Variants in MYT1L observed in about 807,000 individuals in gnomAD.
MYT1L encodes myelin transcription factor 1-like protein.
Under a neutral mutation model 126.7 loss-of-function variants are expected in MYT1L, and 12 were observed. The observed-to-expected ratio is 0.09, with a 90% CI of 0.06 to 0.15. The LOEUF (loss-of-function observed/expected upper bound fraction) is 0.15. Among genes scored for constraint, MYT1L ranks in the 10% least tolerant of loss-of-function variants. MYT1L has a pLI of 1.00. For synonymous variants in MYT1L, 541 were observed against 604.2 expected (o/e 0.90, Z 1.53); for missense variants, 979 against 1,585.2 (o/e 0.62, Z 6.49).
At chr2:2,174,522 C>T (rs2148564188) in intron 2 of MYT1L, among the ~76,000 whole-genome samples, 1 of 152,292 alleles carries the variant, frequency 6.6e-6, no homozygotes, top group Middle Eastern at 3.4e-3. Flanking sequence ...TTCAGACCCA[C>T]GTCCTTGTGA....
chr2:1,974,253 G>A (rs1046822844), intron 8 of MYT1L, among the ~76,000 whole-genome samples: 1 of 152,112 alleles, frequency 6.6e-6, no homozygotes, highest in South Asian at 2.1e-4. Context: ...CAGTGCCCCC[G>A]GCCACCTCTG....
intron 3 of MYT1L, among the ~76,000 whole-genome samples, chr2:2,138,908 C>A (rs1035531563): frequency 6.6e-6 from 1 of 151,782 alleles, no homozygotes; most frequent in South Asian, 2.1e-4. Flanking sequence ...CCCGCCTGGG[C>A]CGCAGTAAAG....
At chr2:1,948,146 C>T (rs1353678965) in intron 8 of MYT1L, among the ~76,000 whole-genome samples, 1 of 152,170 alleles carries the variant, frequency 6.6e-6, no homozygotes, top group Non-Finnish European at 1.5e-5. Context: ...ACCTTCTAGT[C>T]TTCTATTTTC....
Position 1,910,429 on chromosome 2 carries a change from T to G in MYT1L, c.1710-82A>C. The G allele has an allele frequency of 7.8e-7, 1 of 1,284,900 alleles. No homozygotes were observed. 79.6% of individuals were successfully genotyped at this position (1,284,900 alleles called of 1,614,324 possible). On this transcript the variant is annotated intron_variant, in intron 12 of 24. Transcript: ENST00000647738. This position sits in a 1 kb window ranked among gnomAD's most constrained non-coding sequence, Gnocchi z 4.8. ...TAATCCTCCCTTAGCACCAAGACCC[T>G]GATGCAGGTGGAGCTGGTGAGGGAG...
chr2:1,870,425 T>C (rs887921691), intron 18 of MYT1L, among the ~76,000 whole-genome samples: 2 of 152,166 alleles, frequency 1.3e-5, no homozygotes, highest in African/African-American at 4.8e-5. Context: ...GCCTGGAAAC[T>C]TCTCAAACAC....
chr2:2,112,538 G>A (rs145255281), intron 3 of MYT1L, among the ~76,000 whole-genome samples: 20 of 152,300 alleles, frequency 1.3e-4, no homozygotes, highest in Admixed American at 3.9e-4. Flanking sequence ...CTGTAGCCAC[G>A]TGGTGACCTG....
chr2:1,998,953 T>G (rs1176193887), intron 4 of MYT1L, among the ~76,000 whole-genome samples: 1 of 152,186 alleles, frequency 6.6e-6, no homozygotes, highest in African/African-American at 2.4e-5. Flanking sequence ...AGACAGATTC[T>G]AAATGATCAG....
chr2:1,860,072 C>A (rs1305494586), intron 18 of MYT1L, among the ~76,000 whole-genome samples: 1 of 152,236 alleles, frequency 6.6e-6, no homozygotes, highest in Non-Finnish European at 1.5e-5. Flanking sequence ...TCATGCTGCC[C>A]TCGTTGCCAA....
intron 9 of MYT1L, among the ~76,000 whole-genome samples, chr2:1,927,567 T>C (rs2054401026): frequency 6.6e-6 from 1 of 152,236 alleles, no homozygotes; most frequent in African/African-American, 2.4e-5. Flanking sequence ...TTTTGATTCC[T>C]GCAACATCTA....
At chr2:2,263,415 A>G (rs2095039741) in intron 2 of MYT1L, among the ~76,000 whole-genome samples, 2 of 152,144 alleles carry the variant, frequency 1.3e-5, no homozygotes, top group African/African-American at 2.4e-5. Context: ...GAAGGAAACA[A>G]TTCCAATGCA....
chr2:2,182,911 C>T (rs1258942688), intron 2 of MYT1L, among the ~76,000 whole-genome samples: 1 of 152,120 alleles, frequency 6.6e-6, no homozygotes. Context: ...GGAGGGAGGT[C>T]ATCGCTTCTC....
chr2:2,324,102 C>T (rs2096212955), intron 1 of MYT1L: 1 of 152,152 alleles, frequency 6.6e-6, no homozygotes, highest in South Asian at 2.1e-4. Flanking sequence ...ATCAGGAGTT[C>T]AACTTTGCTC....
chr2:2,044,297 C>T (rs1486659778), intron 4 of MYT1L, among the ~76,000 whole-genome samples: 1 of 152,194 alleles, frequency 6.6e-6, no homozygotes, highest in Non-Finnish European at 1.5e-5. Flanking sequence ...ATACACCACA[C>T]TCATCACTCT....
At chr2:2,192,562 A>T (rs1035568923) in intron 2 of MYT1L, among the ~76,000 whole-genome samples, 2 of 152,082 alleles carry the variant, frequency 1.3e-5, no homozygotes, top group African/African-American at 4.8e-5. Context: ...CAGTGGGTGG[A>T]TATCGTCACA....
chr2:2,291,634 C>A (rs2095601299), intron 1 of MYT1L, among the ~76,000 whole-genome samples: 1 of 152,208 alleles, frequency 6.6e-6, no homozygotes, highest in Non-Finnish European at 1.5e-5. Context: ...GTGATGGGTT[C>A]TGAGTCCCGG....
At chr2:1,872,664 T>C (rs1312006756) in intron 18 of MYT1L, among the ~76,000 whole-genome samples, 1 of 152,246 alleles carries the variant, frequency 6.6e-6, no homozygotes, top group Non-Finnish European at 1.5e-5. Context: ...GGATAAATTT[T>C]AGTTTGTTAA....
chr2:2,247,182 G>C (rs573533896), intron 2 of MYT1L, among the ~76,000 whole-genome samples: 1 of 152,104 alleles, frequency 6.6e-6, no homozygotes, highest in Admixed American at 6.5e-5. Flanking sequence ...TGAAAATAAA[G>C]GGATAAAAAA....
chr2:2,199,136 G>A (rs2092948511), intron 2 of MYT1L, among the ~76,000 whole-genome samples: 1 of 152,132 alleles, frequency 6.6e-6, no homozygotes, highest in South Asian at 2.1e-4. Context: ...GTTCAGAAGT[G>A]GGAGAAGAAC....
intron 1 of MYT1L, among the ~76,000 whole-genome samples, chr2:2,299,714 A>G (rs1267855338): frequency 3.9e-5 from 6 of 152,196 alleles, no homozygotes; most frequent in African/African-American, 1.4e-4. Context: ...AGCTCTGCTT[A>G]GTGCTGACTG....
Sources: allele counts gnomAD v4.1 joint callset (sites outside exome capture counted in the v4.1 genomes callset), GRCh38; gene constraint gnomAD v4.1.1; non-coding constraint Gnocchi (gnomAD v3.1); transcripts MANE v1.5; gene names NCBI Gene and HGNC (gene_info 2026-07-23, HGNC 2026-07-21).